RIMS2: variants seen among roughly 807,000 people sequenced by gnomAD.
RIMS2 encodes regulating synaptic membrane exocytosis 2, also known as regulating synaptic membrane exocytosis protein 2.
In RIMS2, 59 loss-of-function variants were observed where a neutral mutation model predicts 174.4. The ratio of observed to expected loss-of-function variants is 0.34; its 90% CI spans 0.27 to 0.42. The LOEUF (loss-of-function observed/expected upper bound fraction) is 0.42. Ranked by LOEUF, RIMS2 falls within the 10% of genes least tolerant of loss-of-function variation. The pLI is 1.00. For missense variants in RIMS2, 1,620 were observed against 1,666.3 expected (o/e 0.97, Z 0.48); for synonymous variants, 606 against 572.5 (o/e 1.06, Z -0.84).
chr8:103,594,315 A>G (rs2094398113), intron 1 of RIMS2, among the ~76,000 whole-genome samples: 1 of 151,660 alleles, frequency 6.6e-6, no homozygotes, highest in Non-Finnish European at 1.5e-5. Flanking sequence ...AGTGTAATCT[A>G]GCATTCTCAA....
At chr8:103,551,826 A>C (rs1848088525) in intron 1 of RIMS2, among the ~76,000 whole-genome samples, 1 of 152,218 alleles carries the variant, frequency 6.6e-6, no homozygotes, top group African/African-American at 2.4e-5. Context: ...CAGAGAGCCA[A>C]ATCATGAGTG....
At chr8:103,532,312 A>G (rs1341021371) in intron 1 of RIMS2, among the ~76,000 whole-genome samples, 1 of 152,224 alleles carries the variant, frequency 6.6e-6, no homozygotes, top group Non-Finnish European at 1.5e-5. Flanking sequence ...TTCTCATTCC[A>G]TTGGTTGGTT....
At chr8:103,918,443 A>G (rs1372148123) in exon 9 of RIMS2, 5 of 1,575,408 alleles carry the variant, frequency 3.2e-6, no homozygotes, top group Admixed American at 1.8e-5. Context: ...CATTTCAGAG[A>G]TATACCGCGA....
intron 19 of RIMS2, among the ~76,000 whole-genome samples, chr8:104,113,457 C>T (rs898608026): frequency 1.3e-5 from 2 of 152,120 alleles, no homozygotes; most frequent in East Asian, 3.9e-4. Context: ...AAGGAGACTG[C>T]TCTTTACTTG....
chr8:103,876,436 G>A (rs28576535), intron 3 of RIMS2, among the ~76,000 whole-genome samples: 1,786 of 151,576 alleles, frequency 0.012, 35 homozygotes, highest in African/African-American at 0.04. Context: ...AAGTAGGGTC[G>A]TCTGATTTTT....
intron 15 of RIMS2, among the ~76,000 whole-genome samples, chr8:103,974,637 T>C (rs1377758417): frequency 6.6e-6 from 1 of 152,234 alleles, no homozygotes; most frequent in African/African-American, 2.4e-5. Flanking sequence ...TAATATACTT[T>C]GTATAAATGT....
intron 19 of RIMS2, among the ~76,000 whole-genome samples, chr8:104,024,769 C>A (rs2096210146): frequency 6.6e-6 from 1 of 152,020 alleles, no homozygotes; most frequent in South Asian, 2.1e-4. Context: ...TATAAAGTGT[C>A]TTAAGATTGT....
At chr8:103,830,511 T>A (rs1268871616) in intron 3 of RIMS2, among the ~76,000 whole-genome samples, 1 of 152,200 alleles carries the variant, frequency 6.6e-6, no homozygotes. Flanking sequence ...TTTATTAGGA[T>A]TTGTTCTACT....
intron 1 of RIMS2, among the ~76,000 whole-genome samples, chr8:103,522,389 A>G (rs1832147379): frequency 6.6e-6 from 1 of 152,128 alleles, no homozygotes; most frequent in South Asian, 2.1e-4. Flanking sequence ...CCTTTAAAAT[A>G]GCCTCGGTAA....
chr8:103,684,469 A>G (rs2096915559), intron 1 of RIMS2, among the ~76,000 whole-genome samples: 1 of 152,032 alleles, frequency 6.6e-6, no homozygotes, highest in South Asian at 2.1e-4. Context: ...CCCATAAATA[A>G]ATCTTTACTG....
chr8:104,048,245 A>G (rs1003027318), intron 19 of RIMS2, among the ~76,000 whole-genome samples: 3 of 152,204 alleles, frequency 2.0e-5, no homozygotes, highest in African/African-American at 7.2e-5. Flanking sequence ...TATATTAAAT[A>G]AAACTCTAAT....
At chr8:103,830,418 G>T (rs534120820) in intron 3 of RIMS2, among the ~76,000 whole-genome samples, 1 of 151,986 alleles carries the variant, frequency 6.6e-6, no homozygotes, top group Non-Finnish European at 1.5e-5. Flanking sequence ...TTTTATTCTG[G>T]TGAGAGAAAT....
At chr8:103,865,290 T>C (rs1564989045) in intron 3 of RIMS2, among the ~76,000 whole-genome samples, 1 of 145,360 alleles carries the variant, frequency 6.9e-6, no homozygotes, top group Admixed American at 6.8e-5. Context: ...TTTTCTTTTT[T>C]TTTTTTTTTT....
At chr8:104,179,302 A>G (rs771891461) in intron 19 of RIMS2, among the ~76,000 whole-genome samples, 34 of 152,082 alleles carry the variant, frequency 2.2e-4, no homozygotes, top group Non-Finnish European at 3.8e-4. Context: ...ACTGCATGAA[A>G]TATCAGTGCA....
intron 3 of RIMS2, among the ~76,000 whole-genome samples, chr8:103,810,221 T>C (rs2098677788): frequency 6.6e-6 from 1 of 152,156 alleles, no homozygotes; most frequent in Admixed American, 6.5e-5. Flanking sequence ...ACCATTAATA[T>C]TGCCTCTAAG....
chr8:103,794,380 G>A (rs1370885088), intron 3 of RIMS2, among the ~76,000 whole-genome samples: 1 of 152,076 alleles, frequency 6.6e-6, no homozygotes, highest in African/African-American at 2.4e-5. Context: ...GGCTAGCCAC[G>A]TATAGAAAGC....
chr8:103,729,301 G>A (rs897477226), intron 2 of RIMS2, among the ~76,000 whole-genome samples: 1 of 151,900 alleles, frequency 6.6e-6, no homozygotes, highest in Non-Finnish European at 1.5e-5. Context: ...TTTGAATCTT[G>A]GTAGGTTGTA....
intron 1 of RIMS2, among the ~76,000 whole-genome samples, chr8:103,622,441 G>A (rs543470216): frequency 6.6e-6 from 1 of 151,998 alleles, no homozygotes; most frequent in Non-Finnish European, 1.5e-5. Flanking sequence ...ATTTCAATGA[G>A]AGTGTCAAGA....
At chr8:103,937,273 A>C (rs1038577644) in intron 13 of RIMS2, among the ~76,000 whole-genome samples, 1 of 152,210 alleles carries the variant, frequency 6.6e-6, no homozygotes, top group African/African-American at 2.4e-5. Context: ...TTTACATGTC[A>C]GTTCTTATTT....
Sources: gnomAD v4.1 joint callset for allele counts (sites outside exome capture counted in the v4.1 genomes callset) on GRCh38, gnomAD v4.1.1 for gene constraint, MANE v1.5 for transcripts, NCBI Gene and HGNC (gene_info 2026-07-23, HGNC 2026-07-21) for gene names.